Variants in CNTLN observed in about 807,000 individuals in gnomAD.
The protein encoded by CNTLN is centlein, centrosomal protein.
Under a neutral mutation model 180.0 loss-of-function variants are expected in CNTLN, and 212 were observed. The observed-to-expected ratio is 1.18, with a 90% CI of 1.05 to 1.32. The LOEUF (loss-of-function observed/expected upper bound fraction) is 1.32. CNTLN is among the 40% of genes most tolerant of loss of function. CNTLN has a pLI of 0.00. For synonymous variants in CNTLN, 722 were observed against 563.1 expected, an observed-to-expected ratio of 1.28 and a Z score of -3.99; for missense variants, 2,095 against 1,610.9, an observed-to-expected ratio of 1.30 and a Z score of -5.14.
intron 8 of CNTLN, among the ~76,000 whole-genome samples, chr9:17,315,658 T>C (rs565364162): frequency 1.3e-5 from 2 of 152,176 alleles, no homozygotes; most frequent in East Asian, 3.9e-4. Flanking sequence ...TGAGCTCTTT[T>C]TTGTATCTTC....
At chr9:17,347,096 G>C in intron 12 of CNTLN, among the ~76,000 whole-genome samples, 1 of 152,050 alleles carries the variant, frequency 6.6e-6, no homozygotes, top group East Asian at 1.9e-4. Flanking sequence ...TATTTGCTTA[G>C]AGTTTCTATT....
intron 18 of CNTLN, among the ~76,000 whole-genome samples, chr9:17,425,008 A>C (rs899478866): frequency 2.0e-5 from 3 of 152,206 alleles, no homozygotes; most frequent in African/African-American, 7.2e-5. Context: ...GTGGAGTTAT[A>C]CATGCTGTTT....
chr9:17,195,029 G>A (rs1284511451), intron 2 of CNTLN, among the ~76,000 whole-genome samples: 2 of 152,128 alleles, frequency 1.3e-5, no homozygotes, highest in South Asian at 2.1e-4. Flanking sequence ...GTCTCCCACC[G>A]TGTCCCTCCC....
intron 2 of CNTLN, among the ~76,000 whole-genome samples, chr9:17,197,333 C>G (rs1436738688): frequency 6.6e-6 from 1 of 152,130 alleles, no homozygotes; most frequent in Non-Finnish European, 1.5e-5. Flanking sequence ...AGCCATTTGA[C>G]TGGAGTGAGA....
At chr9:17,332,779 A>T in intron 10 of CNTLN, 49 bp downstream of exon 10, 1 of 1,464,456 alleles carries the variant, frequency 6.8e-7, no homozygotes, top group African/African-American at 1.4e-5. Context: ...AGATAAAAAT[A>T]TACCAAAGTA....
At chr9:17,404,233 A>G (rs1236116312) in intron 15 of CNTLN, among the ~76,000 whole-genome samples, 1 of 151,836 alleles carries the variant, frequency 6.6e-6, no homozygotes, top group Non-Finnish European at 1.5e-5. Flanking sequence ...ACAATATTGA[A>G]GTTAGGGTAT....
At chr9:17,253,645 C>A (rs1379375206) in intron 5 of CNTLN, among the ~76,000 whole-genome samples, 1 of 150,586 alleles carries the variant, frequency 6.6e-6, no homozygotes, top group Non-Finnish European at 1.5e-5. Context: ...ATTTATTTAT[C>A]AGTTCTGGAG....
chr9:17,257,633 C>T (rs901319765), intron 5 of CNTLN, among the ~76,000 whole-genome samples: 2 of 151,372 alleles, frequency 1.3e-5, no homozygotes, highest in African/African-American at 4.9e-5. Flanking sequence ...TCCTCTCCAG[C>T]ACCTGTTGTT....
At chr9:17,497,564 C>G (rs1476305721) in intron 25 of CNTLN, among the ~76,000 whole-genome samples, 1 of 152,104 alleles carries the variant, frequency 6.6e-6, no homozygotes, top group Non-Finnish European at 1.5e-5. Flanking sequence ...AAGCTTTTTT[C>G]TTCATTCTGT....
At chr9:17,377,570 C>G (rs1393290451) in intron 13 of CNTLN, among the ~76,000 whole-genome samples, 1 of 151,566 alleles carries the variant, frequency 6.6e-6, no homozygotes, top group African/African-American at 2.4e-5. Flanking sequence ...GTCAAAAAAA[C>G]AAAAAACAAA....
At chr9:17,198,719 C>T (rs201693421) in intron 2 of CNTLN, among the ~76,000 whole-genome samples, 3 of 151,468 alleles carry the variant, frequency 2.0e-5, no homozygotes, top group East Asian at 1.9e-4. Flanking sequence ...GTGATGTTCC[C>T]CTTCCTGTGT....
At chr9:17,225,936 A>G (rs1225919662) in intron 2 of CNTLN, among the ~76,000 whole-genome samples, 3 of 152,038 alleles carry the variant, frequency 2.0e-5, no homozygotes, top group African/African-American at 7.2e-5. Context: ...ATTATTTTCA[A>G]AGCGATGACA....
At chr9:17,343,110 C>T (rs1032436410) in intron 12 of CNTLN, among the ~76,000 whole-genome samples, 1 of 152,210 alleles carries the variant, frequency 6.6e-6, no homozygotes. Context: ...AAGTATAAAA[C>T]TTGATGAAGG....
intron 7 of CNTLN, among the ~76,000 whole-genome samples, chr9:17,303,022 G>T (rs2132845585): frequency 6.6e-6 from 1 of 152,226 alleles, no homozygotes; most frequent in Non-Finnish European, 1.5e-5. Context: ...TGGCGATAGG[G>T]CTTTTGCCTG....
chr9:17,505,446 G>A (rs2224456), downstream of CNTLN, among the ~76,000 whole-genome samples: 143,296 of 152,196 alleles, frequency 0.94, 67,766 homozygotes, highest in Middle Eastern at 0.99. Context: ...ATCTCAAGAT[G>A]CAAAATCAAC....
chr9:17,159,715 G>A (rs539549715), intron 2 of CNTLN, among the ~76,000 whole-genome samples: 1 of 152,134 alleles, frequency 6.6e-6, no homozygotes, highest in Non-Finnish European at 1.5e-5. Context: ...GGCTGCAGCT[G>A]TCTGGAATGG....
chr9:17,270,769 T>G (rs1276685425), intron 5 of CNTLN, among the ~76,000 whole-genome samples: 2 of 152,150 alleles, frequency 1.3e-5, no homozygotes, highest in African/African-American at 2.4e-5. Context: ...TGTTGATATT[T>G]GTAACATTTT....
downstream of CNTLN, among the ~76,000 whole-genome samples, chr9:17,507,534 G>A (rs1248800203): frequency 6.6e-6 from 1 of 152,136 alleles, no homozygotes; most frequent in Non-Finnish European, 1.5e-5. Context: ...GGGTCAAATA[G>A]TAATTCGGTT....
chr9:17,346,286 T>A, intron 12 of CNTLN, among the ~76,000 whole-genome samples: 1 of 151,994 alleles, frequency 6.6e-6, no homozygotes, highest in Admixed American at 6.6e-5. Flanking sequence ...GCATGAGAAC[T>A]GCCCCCATGA....
Sources: gnomAD v4.1 joint callset for allele counts (sites outside exome capture counted in the v4.1 genomes callset) on GRCh38, gnomAD v4.1.1 for gene constraint, MANE v1.5 for transcripts, NCBI Gene and HGNC (gene_info 2026-07-23, HGNC 2026-07-21) for gene names.